Variants in KCNG3 observed in about 807,000 individuals in gnomAD.
KCNG3 encodes voltage-gated potassium channel regulatory subunit KCNG3.
KCNG3 carries 15 observed loss-of-function variants against 29.0 expected under a neutral mutation model. The observed-to-expected ratio is 0.52, with a 90% CI of 0.35 to 0.80. The LOEUF (loss-of-function observed/expected upper bound fraction) is 0.80. KCNG3 is among the 30% of genes least tolerant of loss of function. The probability of loss-of-function intolerance (pLI) is 0.01; values close to 1 mark genes in which losing one functional copy is unlikely to be tolerated. For synonymous variants in KCNG3, 322 were observed against 248.9 expected (o/e 1.29, Z -2.76); for missense variants, 512 against 605.7 (o/e 0.85, Z 1.62).
the KCNG3 span, among the ~76,000 whole-genome samples, chr2:42,404,894 G>C: frequency 2.0e-5 from 3 of 152,180 alleles, no homozygotes; most frequent in African/African-American, 7.2e-5. Context: ...ATATGGCACT[G>C]CTGATTCCAG....
chr2:42,421,291 C>T, the KCNG3 span, among the ~76,000 whole-genome samples: 1 of 152,154 alleles, frequency 6.6e-6, no homozygotes, highest in African/African-American at 2.4e-5. Context: ...GGCTGCTGTT[C>T]TGGTAAAGCA....
At chr2:42,422,886 T>C in the KCNG3 span, among the ~76,000 whole-genome samples, 1 of 152,156 alleles carries the variant, frequency 6.6e-6, no homozygotes, top group Non-Finnish European at 1.5e-5. Flanking sequence ...ACCTCCTTGT[T>C]GGGCCCTTCA....
the KCNG3 span, among the ~76,000 whole-genome samples, chr2:42,419,462 G>A: frequency 1.3e-5 from 2 of 151,572 alleles, no homozygotes; most frequent in East Asian, 1.9e-4. Flanking sequence ...GGCTGGTCTC[G>A]AACTCCTGAC....
the KCNG3 span, among the ~76,000 whole-genome samples, chr2:42,409,280 A>G: frequency 6.6e-6 from 1 of 152,072 alleles, no homozygotes. Context: ...GACACCCCAA[A>G]TATCCTATAA....
At chr2:42,465,875 T>C (rs1229551569) in intron 1 of KCNG3, among the ~76,000 whole-genome samples, 3 of 152,204 alleles carry the variant, frequency 2.0e-5, no homozygotes, top group East Asian at 1.9e-4. Context: ...ATGAAAATGA[T>C]GATCAACTCT....
chr2:42,409,009 C>G, the KCNG3 span, among the ~76,000 whole-genome samples: 340 of 152,220 alleles, frequency 2.2e-3, no homozygotes, highest in African/African-American at 7.7e-3. Context: ...CACAGAGAGC[C>G]AGTGCCTGTG....
chr2:42,421,661 CCCT>C, the KCNG3 span, among the ~76,000 whole-genome samples: 1 of 152,164 alleles, frequency 6.6e-6, no homozygotes, highest in Admixed American at 6.6e-5. Flanking sequence ...GGGCCCCATA[CCCT>C]CCTAGTCACT....
At chr2:42,438,192 C>T (rs865982243), downstream of KCNG3, among the ~76,000 whole-genome samples, 1 of 152,092 alleles carries the variant, frequency 6.6e-6, no homozygotes, top group South Asian at 2.1e-4. Flanking sequence ...GCAGATGTCA[C>T]TGCTTGAGCC....
the KCNG3 span, among the ~76,000 whole-genome samples, chr2:42,424,126 C>T: frequency 7.9e-5 from 12 of 152,244 alleles, no homozygotes; most frequent in Non-Finnish European, 1.5e-4. Flanking sequence ...CAAAGTAAAA[C>T]GGCTTATTTC....
chr2:42,475,407 C>T (rs1215935416), intron 1 of KCNG3, among the ~76,000 whole-genome samples: 1 of 149,630 alleles, frequency 6.7e-6, no homozygotes, highest in East Asian at 2.0e-4. Flanking sequence ...TGGCTCACTG[C>T]AACCTCTTTC....
At chr2:42,468,911 G>T (rs1190494286) in intron 1 of KCNG3, among the ~76,000 whole-genome samples, 1 of 120,436 alleles carries the variant, frequency 8.3e-6, no homozygotes, top group East Asian at 2.6e-4. Context: ...TCGAGATCAT[G>T]CCACTGCACT....
the KCNG3 span, among the ~76,000 whole-genome samples, chr2:42,425,405 A>G: frequency 6.6e-6 from 1 of 151,490 alleles, no homozygotes; most frequent in South Asian, 2.1e-4. Context: ...TCTCAAAAAA[A>G]AAAAAAAAAA....
At chr2:42,448,846 C>T (rs1482948768) in intron 1 of KCNG3, among the ~76,000 whole-genome samples, 1 of 151,930 alleles carries the variant, frequency 6.6e-6, no homozygotes, top group Non-Finnish European at 1.5e-5. Context: ...GGCGCAGTGG[C>T]GGGTGCCTGT....
chr2:42,437,939 C>CAA (rs58250880), downstream of KCNG3, among the ~76,000 whole-genome samples: 714 of 74,804 alleles, frequency 9.5e-3, 1 homozygote, highest in African/African-American at 0.032. Context: ...ACTCTGTCTC[C>CAA]AAAAAAAAAA....
At chr2:42,463,405 C>A (rs1304407498) in intron 1 of KCNG3, 2 of 163,616 alleles carry the variant, frequency 1.2e-5, no homozygotes, top group Non-Finnish European at 2.6e-5. Flanking sequence ...CAGTGTCCAA[C>A]TTCTTATTCA....
chr2:42,470,736 C>T (rs1392354133), intron 1 of KCNG3, among the ~76,000 whole-genome samples: 2 of 151,396 alleles, frequency 1.3e-5, no homozygotes, highest in Non-Finnish European at 2.9e-5. Context: ...ATTAGCCAGA[C>T]GTGGTGGCAT....
intron 1 of KCNG3, among the ~76,000 whole-genome samples, chr2:42,459,620 C>A (rs1672966509): frequency 1.3e-5 from 2 of 152,304 alleles, no homozygotes; most frequent in East Asian, 3.9e-4. Flanking sequence ...GTATGTCAGG[C>A]TCTACAGAGC....
At chr2:42,405,042 C>G in the KCNG3 span, among the ~76,000 whole-genome samples, 1 of 152,254 alleles carries the variant, frequency 6.6e-6, no homozygotes, top group Non-Finnish European at 1.5e-5. Context: ...AAATCTCACA[C>G]AACTGCAGCT....
the KCNG3 span, among the ~76,000 whole-genome samples, chr2:42,424,463 T>C: frequency 2.0e-5 from 3 of 151,266 alleles, no homozygotes; most frequent in Admixed American, 6.6e-5. Context: ...CCCAAAACAT[T>C]AATTATCTTC....
Sources: gnomAD v4.1 joint callset for allele counts (sites outside exome capture counted in the v4.1 genomes callset) on GRCh38, gnomAD v4.1.1 for gene constraint, MANE v1.5 for transcripts, NCBI Gene and HGNC (gene_info 2026-07-23, HGNC 2026-07-21) for gene names.